Variants in RASAL2 observed in about 807,000 individuals in gnomAD.
RASAL2 encodes the protein ras GTPase-activating protein nGAP.
In RASAL2, 58 loss-of-function variants were observed where a neutral mutation model predicts 128.9. That is an observed-to-expected ratio of 0.45 (90% CI 0.36 to 0.56). The LOEUF (loss-of-function observed/expected upper bound fraction) is 0.56. Among genes scored for constraint, RASAL2 ranks in the 20% least tolerant of loss-of-function variants. The pLI is 0.00. For synonymous variants in RASAL2, 561 were observed against 580.8 expected (o/e 0.97, Z 0.49); for missense variants, 1,360 against 1,601.6 (o/e 0.85, Z 2.57).
chr1:178,430,907 TACACACACACACAC>T (rs71297897), intron 5 of RASAL2, among the ~76,000 whole-genome samples: 34 of 134,062 alleles, frequency 2.5e-4, no homozygotes, highest in Admixed American at 6.8e-4. Context: ...GGCAAAAAAG[TACACACACACACAC>T]ACACACACAC....
rs1428150337 is a variant in RASAL2 at position 178,238,594 on chromosome 1, GTA to G, written c.203-44968_203-44967del. Among the ~76,000 whole-genome samples the G allele has an allele frequency of 1.1e-4, 17 of 151,840 alleles. 1 individual carries two copies. Among genetic ancestry groups the G allele is most frequent in the Admixed American group, 9.2e-4 (14 of 15,270 alleles). On this transcript the variant is annotated intron_variant, in intron 1 of 17. Coordinates refer to ENST00000367649, the MANE Select transcript of RASAL2 (RefSeq NM_170692.4). ...TTCATTCAGTAAAATATTTCTGTGTGTATGTGTGTATATACACACACACACAC... is the reference window on the plus strand; with the variant it reads ...TTCATTCAGTAAAATATTTCTGTGTGTGTGTGTATATACACACACACACAC...
chr1:178,304,991 A>G (rs1667925512), intron 3 of RASAL2, among the ~76,000 whole-genome samples: 2 of 152,230 alleles, frequency 1.3e-5, no homozygotes, highest in South Asian at 4.1e-4. Context: ...AATCAGTGGC[A>G]TTTCTGTATG....
chr1:178,274,079 G>A (rs565369247), intron 1 of RASAL2, among the ~76,000 whole-genome samples: 2 of 152,294 alleles, frequency 1.3e-5, no homozygotes, highest in African/African-American at 4.8e-5. Flanking sequence ...TATTGCACTT[G>A]ATGCTATAAA....
chr1:178,391,742 C>T (rs1203927642), intron 4 of RASAL2, among the ~76,000 whole-genome samples: 3 of 152,044 alleles, frequency 2.0e-5, no homozygotes, highest in Admixed American at 1.3e-4. Flanking sequence ...GATAGCAGTA[C>T]AAAAAGGAGT....
At chr1:178,101,321 C>T (rs868177475) in intron 1 of RASAL2, among the ~76,000 whole-genome samples, 1 of 152,130 alleles carries the variant, frequency 6.6e-6, no homozygotes, top group Non-Finnish European at 1.5e-5. Flanking sequence ...TGAATTTTAC[C>T]TTCCCTTACC....
intron 1 of RASAL2, among the ~76,000 whole-genome samples, chr1:178,186,112 A>G (rs1301448182): frequency 1.3e-5 from 2 of 152,152 alleles, no homozygotes; most frequent in East Asian, 3.9e-4. Context: ...ATTTTGGTAA[A>G]TTACATCTTT....
chr1:178,440,427 C>CT (rs926941709), intron 6 of RASAL2, among the ~76,000 whole-genome samples: 1 of 151,080 alleles, frequency 6.6e-6, no homozygotes, highest in African/African-American at 2.4e-5. Flanking sequence ...AAATTGTTTC[C>CT]TTTTTTTTTA....
At chr1:178,132,232 T>C (rs1660148493) in intron 1 of RASAL2, among the ~76,000 whole-genome samples, 2 of 151,966 alleles carry the variant, frequency 1.3e-5, no homozygotes, top group African/African-American at 4.8e-5. Flanking sequence ...AATTTTTTTT[T>C]TTTTTGTAGA....
At chr1:178,245,797 T>G (rs951977087) in intron 1 of RASAL2, among the ~76,000 whole-genome samples, 1 of 152,230 alleles carries the variant, frequency 6.6e-6, no homozygotes, top group Non-Finnish European at 1.5e-5. Context: ...GCTAGCCAGT[T>G]TTCCCAGCAC....
chr1:178,250,925 A>T (rs1335067027), intron 1 of RASAL2, among the ~76,000 whole-genome samples: 3 of 152,174 alleles, frequency 2.0e-5, no homozygotes, highest in African/African-American at 7.2e-5. Flanking sequence ...TTACATGAGG[A>T]TGTAAAGCTC....
chr1:178,394,224 C>T (rs1673080362), intron 4 of RASAL2, among the ~76,000 whole-genome samples: 1 of 152,108 alleles, frequency 6.6e-6, no homozygotes, highest in African/African-American at 2.4e-5. Flanking sequence ...TTTGACTGTT[C>T]TTCAAAAACA....
intron 1 of RASAL2, among the ~76,000 whole-genome samples, chr1:178,198,665 C>T (rs1388380397): frequency 6.6e-6 from 1 of 152,204 alleles, no homozygotes; most frequent in Non-Finnish European, 1.5e-5. Context: ...GCAAATATTG[C>T]TGCCTGATCC....
intron 3 of RASAL2, among the ~76,000 whole-genome samples, chr1:178,364,223 T>A (rs562260329): frequency 6.6e-6 from 1 of 152,188 alleles, no homozygotes; most frequent in Non-Finnish European, 1.5e-5. Flanking sequence ...AAAAGAGTTT[T>A]ACTTCTCATT....
intron 2 of RASAL2, among the ~76,000 whole-genome samples, chr1:178,288,892 C>G (rs1231616563): frequency 6.6e-6 from 1 of 152,030 alleles, no homozygotes; most frequent in Non-Finnish European, 1.5e-5. Context: ...CTCAGGTGAT[C>G]CACCCGCCTC....
chr1:178,202,254 A>G (rs1246302620), intron 1 of RASAL2, among the ~76,000 whole-genome samples: 1 of 152,172 alleles, frequency 6.6e-6, no homozygotes, highest in African/African-American at 2.4e-5. Context: ...AGGCACAAGT[A>G]AGTTACATGA....
intron 5 of RASAL2, among the ~76,000 whole-genome samples, chr1:178,421,686 A>C (rs1675152752): frequency 6.6e-6 from 1 of 151,624 alleles, no homozygotes; most frequent in Non-Finnish European, 1.5e-5. Context: ...TTTTTCACTT[A>C]TCTACCTAGA....
At chr1:178,422,592 A>G (rs1012109368) in intron 5 of RASAL2, among the ~76,000 whole-genome samples, 12 of 152,218 alleles carry the variant, frequency 7.9e-5, no homozygotes, top group African/African-American at 2.9e-4. Context: ...TCATATGAAC[A>G]GTCAGATAAA....
intron 5 of RASAL2, among the ~76,000 whole-genome samples, chr1:178,423,801 T>C (rs930015194): frequency 6.6e-6 from 1 of 152,178 alleles, no homozygotes; most frequent in Non-Finnish European, 1.5e-5. Context: ...TTCTGTGACT[T>C]ACCTATTTCC....
At chr1:178,240,990 A>T (rs909390530) in intron 1 of RASAL2, among the ~76,000 whole-genome samples, 4 of 151,828 alleles carry the variant, frequency 2.6e-5, no homozygotes, top group Admixed American at 2.6e-4. Context: ...GGTGTATCCT[A>T]CTGTCACATT....
Sources: allele counts gnomAD v4.1 joint callset (sites outside exome capture counted in the v4.1 genomes callset), GRCh38; gene constraint gnomAD v4.1.1; transcripts MANE v1.5; gene names NCBI Gene and HGNC (gene_info 2026-07-23, HGNC 2026-07-21).